The following EFNA5 variants were observed in gnomAD, a reference collection of about 807,000 sequenced individuals.
EFNA5 encodes the protein ephrin-A5.
Under a neutral mutation model 22.9 loss-of-function variants are expected in EFNA5, and 5 were observed. The ratio of observed to expected loss-of-function variants is 0.22; its 90% CI spans 0.11 to 0.46. The LOEUF (loss-of-function observed/expected upper bound fraction) is 0.46. Ranked by LOEUF, EFNA5 falls within the 20% of genes least tolerant of loss-of-function variation. The pLI is 0.99. For missense variants in EFNA5, 237 were observed against 293.3 expected (o/e 0.81, Z 1.40); for synonymous variants, 113 against 112.2 (o/e 1.01, Z -0.04).
intron 1 of EFNA5, among the ~76,000 whole-genome samples, chr5:107,557,516 C>T (rs1240157432): frequency 2.0e-5 from 3 of 152,172 alleles, no homozygotes; most frequent in African/African-American, 7.2e-5. Context: ...GTGGTAAAAG[C>T]TATTTTTGTT....
rs1747721015 is a variant in EFNA5, at chr5:107,527,535, T to C, written c.126-100026A>G. Reference sequence around the variant, plus strand: ...CGCCTGACCTTGTGATCCACCCGCCTCAGCCTCCCGAAGTGCTGAGATTAC... The same window carrying C: ...CGCCTGACCTTGTGATCCACCCGCCCCAGCCTCCCGAAGTGCTGAGATTAC... On this transcript the variant is annotated intron_variant, in intron 1 of 4. Coordinates refer to ENST00000333274, the MANE Select transcript of EFNA5 (RefSeq NM_001962.3). 2.0e-5 allele frequency among the ~76,000 whole-genome samples: 3 copies of C among 152,158 alleles called. No individual in the cohort carries two copies. In the South Asian group the frequency reaches 6.2e-4, roughly 32 times the overall value.
At chr5:107,666,844 A>C (rs1487645071) in intron 1 of EFNA5, among the ~76,000 whole-genome samples, 1 of 152,088 alleles carries the variant, frequency 6.6e-6, no homozygotes, top group Non-Finnish European at 1.5e-5. Flanking sequence ...GAAGCACCAA[A>C]CTGCTTATGG....
chr5:107,530,370 C>T (rs1457926059), intron 1 of EFNA5, among the ~76,000 whole-genome samples: 1 of 152,180 alleles, frequency 6.6e-6, no homozygotes, highest in Non-Finnish European at 1.5e-5. Context: ...CACAGCTAAT[C>T]ACATAGCCAC....
At chr5:107,416,755 C>A (rs1435487654) in intron 2 of EFNA5, among the ~76,000 whole-genome samples, 1 of 152,112 alleles carries the variant, frequency 6.6e-6, no homozygotes, top group Admixed American at 6.6e-5. Flanking sequence ...TATAGTAAGA[C>A]CTCTAAGCAA....
intron 1 of EFNA5, among the ~76,000 whole-genome samples, chr5:107,591,960 T>A (rs7446983): frequency 8.4e-5 from 1 of 11,902 alleles, no homozygotes; most frequent in African/African-American, 5.0e-4. Flanking sequence ...TAATATATAA[T>A]ATATATAATA....
At chr5:107,428,935 A>G (rs535360915) in intron 1 of EFNA5, among the ~76,000 whole-genome samples, 1 of 152,312 alleles carries the variant, frequency 6.6e-6, no homozygotes, top group East Asian at 1.9e-4. Context: ...GATGTCAGCT[A>G]TATCTCTCTA....
intron 1 of EFNA5, among the ~76,000 whole-genome samples, chr5:107,512,947 G>A (rs768106289): frequency 6.6e-6 from 1 of 152,170 alleles, no homozygotes; most frequent in Non-Finnish European, 1.5e-5. Flanking sequence ...AGCTAGTCTT[G>A]ATGAGGTCTC....
intron 1 of EFNA5, among the ~76,000 whole-genome samples, chr5:107,436,668 C>G (rs1239894417): frequency 6.6e-6 from 1 of 152,048 alleles, no homozygotes; most frequent in Non-Finnish European, 1.5e-5. Flanking sequence ...GCACATGAAG[C>G]AGAGCACCTG....
chr5:107,380,713 T>C lies in EFNA5; in HGVS notation c.*542A>G, dbSNP rs1264699200. 2.5e-6 allele frequency: 1 copy of C among 398,034 alleles called. No homozygotes were observed. The highest frequency in any genetic ancestry group is 4.4e-6 in the Non-Finnish European group (1 of 225,986). The allele number at this position is 398,034 out of a possible 1,614,324, so 24.7% of individuals were successfully genotyped here. A position where few individuals can be genotyped will look rare whatever the true frequency, so the allele number is the denominator to read the frequency against. On this transcript the variant is annotated 3_prime_UTR_variant, in exon 5 of 5. Coordinates refer to ENST00000333274, the MANE Select transcript of EFNA5 (RefSeq NM_001962.3). ...TTCATTTACATACTCCTATAGGAAA[T>C]GGTGTAATATCGTATCTATTCTTAA...
chr5:107,462,984 C>A (rs1006908325), intron 1 of EFNA5, among the ~76,000 whole-genome samples: 5 of 152,124 alleles, frequency 3.3e-5, no homozygotes, highest in African/African-American at 1.2e-4. Flanking sequence ...CCCATTCAGT[C>A]ACTGGCGTCC....
intron 1 of EFNA5, among the ~76,000 whole-genome samples, chr5:107,659,998 G>A (rs896423379): frequency 2.0e-5 from 3 of 151,142 alleles, no homozygotes; most frequent in Admixed American, 1.3e-4. Context: ...ATGGAATATC[G>A]TGTATACATA....
At chr5:107,486,445 G>A (rs1746623787) in intron 1 of EFNA5, among the ~76,000 whole-genome samples, 1 of 152,136 alleles carries the variant, frequency 6.6e-6, no homozygotes, top group South Asian at 2.1e-4. Flanking sequence ...AAAAAAAAAT[G>A]CATAACTACA....
intron 1 of EFNA5, among the ~76,000 whole-genome samples, chr5:107,563,410 T>G (rs1461695951): frequency 6.6e-6 from 1 of 152,104 alleles, no homozygotes; most frequent in African/African-American, 2.4e-5. Flanking sequence ...ACTTTCTTTT[T>G]ATTTTATTTT....
At chr5:107,425,476 T>G (rs1561380577) in intron 2 of EFNA5, among the ~76,000 whole-genome samples, 1 of 152,222 alleles carries the variant, frequency 6.6e-6, no homozygotes, top group Non-Finnish European at 1.5e-5. Context: ...TCCTCTTTCC[T>G]TTTTCTCATA....
chr5:107,637,931 C>A (rs1366495298), intron 1 of EFNA5, among the ~76,000 whole-genome samples: 1 of 151,708 alleles, frequency 6.6e-6, no homozygotes, highest in Non-Finnish European at 1.5e-5. Flanking sequence ...ACTGCAAGCT[C>A]CGCCTCCTGG....
chr5:107,436,318 G>T (rs1229450446), intron 1 of EFNA5, among the ~76,000 whole-genome samples: 1 of 152,122 alleles, frequency 6.6e-6, no homozygotes, highest in Non-Finnish European at 1.5e-5. Flanking sequence ...CTCAGGAAGG[G>T]GCTGGAAGCT....
rs1398465172 is a variant in EFNA5, at chr5:107,473,052, T to C, written c.126-45543A>G. ...CCTATACCTTACCTCCTGGGGTTGC[T>C]CTCACTCATTCCAGGGACCCCAGCC... is the stretch of plus-strand genomic sequence containing the variant. On this transcript the variant is annotated intron_variant, in intron 1 of 4. Transcript: ENST00000333274. Among the ~76,000 whole-genome samples, 9 of 152,232 alleles carry C rather than the reference T, an allele frequency of 5.9e-5. No individual in the cohort carries two copies. The East Asian group carries it at 1.4e-3, about 23-fold the overall frequency.
intron 1 of EFNA5, among the ~76,000 whole-genome samples, chr5:107,645,419 G>GTGTT (rs1750611642): frequency 6.6e-6 from 1 of 152,094 alleles, no homozygotes; most frequent in Non-Finnish European, 1.5e-5. Context: ...CTTGTAAGTG[G>GTGTT]CATTCACTAT....
At chr5:107,643,306 AT>A (rs1468090782) in intron 1 of EFNA5, among the ~76,000 whole-genome samples, 2 of 152,204 alleles carry the variant, frequency 1.3e-5, no homozygotes, top group African/African-American at 4.8e-5. Flanking sequence ...CTGGCTGGTC[AT>A]AGATTCAAAT....
Sources: gnomAD v4.1 joint callset for allele counts (sites outside exome capture counted in the v4.1 genomes callset) on GRCh38, gnomAD v4.1.1 for gene constraint, MANE v1.5 for transcripts, NCBI Gene and HGNC (gene_info 2026-07-23, HGNC 2026-07-21) for gene names.